Variants in TENM2 observed in about 807,000 individuals in gnomAD.
The protein encoded by TENM2 is teneurin transmembrane protein 2.
A neutral mutation model predicts 245.2 loss-of-function variants in TENM2; 52 were observed. That is an observed-to-expected ratio of 0.21 (90% CI 0.17 to 0.27). The LOEUF (loss-of-function observed/expected upper bound fraction) is 0.27. Among genes scored for constraint, TENM2 ranks in the 10% least tolerant of loss-of-function variants. TENM2 has a pLI of 1.00. For missense variants in TENM2, 3,046 were observed against 3,666.8 expected (o/e 0.83, Z 4.37); for synonymous variants, 1,363 against 1,438.9 (o/e 0.95, Z 1.19).
intron 2 of TENM2, among the ~76,000 whole-genome samples, chr5:167,625,599 A>C (rs540134467): frequency 6.6e-6 from 1 of 152,352 alleles, no homozygotes; most frequent in East Asian, 1.9e-4. Flanking sequence ...TTAGATAAGG[A>C]AAGTCTGCTC....
chr5:167,094,416 G>A, the TENM2 span, among the ~76,000 whole-genome samples: 2 of 152,034 alleles, frequency 1.3e-5, no homozygotes, highest in Non-Finnish European at 2.9e-5. Context: ...TTATTTGAAT[G>A]TAGTCATTCA....
At chr5:167,280,092 A>G (rs533290909), upstream of TENM2, among the ~76,000 whole-genome samples, 6 of 152,258 alleles carry the variant, frequency 3.9e-5, no homozygotes, top group African/African-American at 1.4e-4. Context: ...ATTACTGCCA[A>G]ATTCCCTGCT....
intron 5 of TENM2, among the ~76,000 whole-genome samples, chr5:168,011,557 T>C (rs146154190): frequency 4.2e-4 from 64 of 152,364 alleles, no homozygotes; most frequent in Non-Finnish European, 7.9e-4. Flanking sequence ...TTTTTCTTTT[T>C]TACCACTTGA....
rs76430265 is a variant in TENM2 at position 168,021,653 on chromosome 5, T to A, written c.1187-25774T>A. Among the ~76,000 whole-genome samples the A allele has an allele frequency of 6.4e-4, 97 of 152,350 alleles. 1 individual carries two copies. The highest frequency in any genetic ancestry group is 2.2e-3 in the African/African-American group (92 of 41,588). Reference sequence around the variant, plus strand: ...TCAAGAAAAACCATGGCTCCCCCTGTTACAGTGCACACTCAAGTTTCATAA... The same window carrying A: ...TCAAGAAAAACCATGGCTCCCCCTGATACAGTGCACACTCAAGTTTCATAA... On this transcript the variant is annotated intron_variant, in intron 5 of 28. Coordinates refer to ENST00000518659, the Ensembl canonical transcript of TENM2.
chr5:168,250,296 G>A (rs1767005913), intron 27 of TENM2, among the ~76,000 whole-genome samples: 1 of 152,032 alleles, frequency 6.6e-6, no homozygotes, highest in Non-Finnish European at 1.5e-5. Flanking sequence ...GAGAGAAGGG[G>A]AGAGAGAGAG....
chr5:168,093,372 C>T (rs1241538279), intron 8 of TENM2, among the ~76,000 whole-genome samples: 1 of 152,300 alleles, frequency 6.6e-6, no homozygotes, highest in South Asian at 2.1e-4. Flanking sequence ...AATAGTTGGG[C>T]AGACATCTTG....
the TENM2 span, among the ~76,000 whole-genome samples, chr5:167,131,671 A>G: frequency 2.0e-5 from 3 of 152,168 alleles, no homozygotes; most frequent in African/African-American, 7.2e-5. Context: ...GGAGAGCAAA[A>G]TGTCACCCCA....
At chr5:166,988,093 C>G in the TENM2 span, among the ~76,000 whole-genome samples, 1 of 152,204 alleles carries the variant, frequency 6.6e-6, no homozygotes, top group African/African-American at 2.4e-5. Flanking sequence ...CTTGGCGGCA[C>G]TGACCCTTTC....
chr5:167,698,090 T>A (rs543067212), intron 2 of TENM2, among the ~76,000 whole-genome samples: 1 of 152,186 alleles, frequency 6.6e-6, no homozygotes, highest in African/African-American at 2.4e-5. Flanking sequence ...TATCTTTTCC[T>A]TTACTCATTG....
At chr5:167,639,910 C>T (rs1199999908) in intron 2 of TENM2, among the ~76,000 whole-genome samples, 7 of 152,158 alleles carry the variant, frequency 4.6e-5, no homozygotes, top group African/African-American at 1.7e-4. Flanking sequence ...GAAGGAATGT[C>T]AGCTGTCTGA....
chr5:167,016,634 T>C, the TENM2 span, among the ~76,000 whole-genome samples: 2 of 152,210 alleles, frequency 1.3e-5, no homozygotes, highest in African/African-American at 4.8e-5. Context: ...AATTCTGCAA[T>C]ATGCGACAAC....
At chr5:167,184,765 T>C in the TENM2 span, among the ~76,000 whole-genome samples, 2 of 152,172 alleles carry the variant, frequency 1.3e-5, no homozygotes, top group South Asian at 2.1e-4. Context: ...GGCTACCTTT[T>C]GGTGACTTCT....
At chr5:167,278,857 T>G in the TENM2 span, among the ~76,000 whole-genome samples, 1 of 152,216 alleles carries the variant, frequency 6.6e-6, no homozygotes, top group Non-Finnish European at 1.5e-5. Context: ...TTTGCTCATA[T>G]TTTTGCTTTC....
chr5:167,923,846 C>G (rs917645729), intron 3 of TENM2, among the ~76,000 whole-genome samples: 2 of 152,140 alleles, frequency 1.3e-5, no homozygotes, highest in African/African-American at 4.8e-5. Context: ...AACGAACTCT[C>G]TTTCCCGGCC....
chr5:167,208,649 T>C, the TENM2 span, among the ~76,000 whole-genome samples: 2 of 152,200 alleles, frequency 1.3e-5, no homozygotes, highest in African/African-American at 4.8e-5. Flanking sequence ...AAGAAGAAGA[T>C]GTAAAGTGAC....
chr5:167,505,341 C>T (rs1379109176), intron 2 of TENM2, among the ~76,000 whole-genome samples: 2 of 152,028 alleles, frequency 1.3e-5, no homozygotes, highest in African/African-American at 4.8e-5. Context: ...GTTATTATTC[C>T]TCCATTTATA....
chr5:167,904,233 G>GAA (rs1251580856), intron 3 of TENM2, among the ~76,000 whole-genome samples: 1 of 152,166 alleles, frequency 6.6e-6, no homozygotes, highest in African/African-American at 2.4e-5. Flanking sequence ...TGGATTAGCT[G>GAA]AAGTACACTG....
the TENM2 span, among the ~76,000 whole-genome samples, chr5:167,081,293 C>A: frequency 3.3e-5 from 5 of 151,902 alleles, no homozygotes. Context: ...TATTTATGAT[C>A]CAAGGTATTG....
chr5:167,379,131 G>A (rs1220607944), intron 2 of TENM2, among the ~76,000 whole-genome samples: 2 of 152,030 alleles, frequency 1.3e-5, no homozygotes, highest in Admixed American at 6.6e-5. Context: ...TCCTCATAAT[G>A]TACTTTGAGG....
Sources: gnomAD v4.1 joint callset for allele counts (sites outside exome capture counted in the v4.1 genomes callset) on GRCh38, gnomAD v4.1.1 for gene constraint, MANE v1.5 for transcripts, NCBI Gene and HGNC (gene_info 2026-07-23, HGNC 2026-07-21) for gene names.